The following ZHX3 variants were observed in gnomAD, a reference collection of about 807,000 sequenced individuals.
The protein encoded by ZHX3 is zinc fingers and homeoboxes protein 3.
A neutral mutation model predicts 64.5 loss-of-function variants in ZHX3; 20 were observed. The observed-to-expected ratio is 0.31, with a 90% CI of 0.22 to 0.45. The LOEUF (loss-of-function observed/expected upper bound fraction) is 0.45, where lower values mean the gene tolerates loss of function less well. Among genes scored for constraint, ZHX3 ranks in the 20% least tolerant of loss-of-function variants. ZHX3 has a pLI of 1.00. For synonymous variants in ZHX3, 423 were observed against 461.6 expected (o/e 0.92, Z 1.07); for missense variants, 1,041 against 1,195.8 (o/e 0.87, Z 1.91).
chr20:41,225,265 T>C (rs1250532407), intron 2 of ZHX3, among the ~76,000 whole-genome samples: 2 of 152,220 alleles, frequency 1.3e-5, no homozygotes, highest in Non-Finnish European at 2.9e-5. Context: ...CAAAATGATT[T>C]AGCATGCTGT....
intron 2 of ZHX3, among the ~76,000 whole-genome samples, chr20:41,262,126 T>C (rs1038473165): frequency 1.1e-4 from 16 of 152,198 alleles, no homozygotes; most frequent in Non-Finnish European, 1.5e-4. Context: ...CTCTTCTCCA[T>C]CATCACTGCT....
At chr20:41,205,967 C>G (rs1366747717) in intron 2 of ZHX3, among the ~76,000 whole-genome samples, 1 of 152,206 alleles carries the variant, frequency 6.6e-6, no homozygotes, top group Non-Finnish European at 1.5e-5. Flanking sequence ...GAGGATCAGA[C>G]AGCAACATCT....
At chr20:41,229,030 A>G (rs1319213375) in intron 2 of ZHX3, among the ~76,000 whole-genome samples, 1 of 152,200 alleles carries the variant, frequency 6.6e-6, no homozygotes, top group Non-Finnish European at 1.5e-5. Context: ...TCTTTGCCTT[A>G]TAAAACTGAA....
intron 2 of ZHX3, among the ~76,000 whole-genome samples, chr20:41,225,247 G>A (rs758773701): frequency 5.9e-5 from 9 of 152,100 alleles, no homozygotes; most frequent in Non-Finnish European, 1.2e-4. Flanking sequence ...GAATTGATAG[G>A]AAGTACACAA....
Position 41,313,892 on chromosome 20 carries a change from A to G in ZHX3, c.-245+3617T>C, listed in dbSNP as rs184802766. Among the ~76,000 whole-genome samples the G allele has an allele frequency of 1.6e-3, 243 of 152,280 alleles. 1 individual carries two copies. Among genetic ancestry groups the G allele is most frequent in the South Asian group, 4.4e-3 (21 of 4,826 alleles). ...ATTACAGGCATGAGCCACCACGCCC[A>G]GCCTCCTTTTAGGCCTTTAAGAAAA... On this transcript the variant is annotated intron_variant, in intron 1 of 3. Coordinates refer to ENST00000683867, the MANE Select transcript of ZHX3 (RefSeq NM_001384317.1).
Position 41,219,531 on chromosome 20 carries a change from T to C in ZHX3, c.-150-14465A>G, listed in dbSNP as rs1056729542. 1.3e-5 allele frequency among the ~76,000 whole-genome samples: 2 copies of C among 152,252 alleles called. No homozygotes were observed. The highest frequency in any genetic ancestry group is 4.8e-5 in the African/African-American group (2 of 41,468). The stretch of plus-strand genomic sequence containing the variant: ...CTAGAAAGATGTTTGAAATGGTTCC[T>C]TGTAGTAAGCACCAAAAACAACAAA... On this transcript the variant is annotated intron_variant, in intron 2 of 3. Coordinates refer to ENST00000683867, the MANE Select transcript of ZHX3 (RefSeq NM_001384317.1). The surrounding 1 kb of genome is among the most constrained non-coding windows in gnomAD (Gnocchi z 5.0).
At chr20:41,225,463 T>A (rs904360328) in intron 2 of ZHX3, among the ~76,000 whole-genome samples, 1 of 152,192 alleles carries the variant, frequency 6.6e-6, no homozygotes, top group African/African-American at 2.4e-5. Flanking sequence ...AAAAAACACA[T>A]AACATAAAAT....
At position 41,185,084 on chromosome 20, in the gene ZHX3, C is replaced by T; in HGVS notation, c.*107G>A. ...TCTGGAAGCTCTCCCAGGTGCCCAG[C>T]AGCCGGGCATGGGAACGGCATGTGG... On this transcript the variant is annotated 3_prime_UTR_variant, in exon 4 of 4. Coordinates refer to ENST00000683867, the MANE Select transcript of ZHX3 (RefSeq NM_001384317.1). The surrounding 1 kb of genome is among the most constrained non-coding windows in gnomAD (Gnocchi z 5.0). 6.4e-7 allele frequency: 1 copy of T among 1,559,620 alleles called. No individual in the cohort carries two copies. Among genetic ancestry groups the T allele is most frequent in the Non-Finnish European group, 8.7e-7 (1 of 1,150,320 alleles).
intron 1 of ZHX3, among the ~76,000 whole-genome samples, chr20:41,313,925 C>A (rs2045219121): frequency 1.3e-5 from 2 of 150,598 alleles, no homozygotes; most frequent in African/African-American, 5.0e-5. Flanking sequence ...AAATAATTTT[C>A]ATTTAGGATT....
intron 1 of ZHX3, among the ~76,000 whole-genome samples, chr20:41,305,670 GC>G (rs1424893297): frequency 2.6e-5 from 4 of 151,978 alleles, no homozygotes; most frequent in African/African-American, 9.7e-5. Flanking sequence ...TGTAGTCCCA[GC>G]TACTCAGGAG....
chr20:41,192,520 C>T (rs2037115726), intron 3 of ZHX3, among the ~76,000 whole-genome samples: 1 of 152,252 alleles, frequency 6.6e-6, no homozygotes, highest in African/African-American at 2.4e-5. Flanking sequence ...CCTCACTCAG[C>T]TCCAGTGGCA....
chr20:41,290,111 CCA>C (rs1568949092), intron 1 of ZHX3, among the ~76,000 whole-genome samples: 1 of 152,176 alleles, frequency 6.6e-6, no homozygotes, highest in Non-Finnish European at 1.5e-5. Context: ...CACTAGAACT[CCA>C]CAGTCTTCCT....
intron 2 of ZHX3, among the ~76,000 whole-genome samples, chr20:41,208,814 T>TC (rs1441105949): frequency 3.3e-5 from 5 of 152,236 alleles, no homozygotes; most frequent in South Asian, 2.1e-4. Flanking sequence ...CCACTCCTAT[T>TC]AACATAGTGT....
rs531723402 is a variant in ZHX3, at chr20:41,241,064, A to G, written c.-151+27926T>C. ...GATGGCTGGATTGTATGATAGCTCT[A>G]TTTTTAGTTTTTAGAGGAACCTCCA... On this transcript the variant is annotated intron_variant, in intron 2 of 3. Transcript: ENST00000683867. 3.3e-5 allele frequency among the ~76,000 whole-genome samples: 5 copies of G among 152,242 alleles called. No homozygotes were observed. The South Asian group carries it at 8.3e-4, about 25-fold the overall frequency.
Position 41,202,748 on chromosome 20 carries a change from G to T in ZHX3, c.2169C>A (p.Ser723Arg), listed in dbSNP as rs774610757. The T allele has an allele frequency of 3.7e-6, 6 of 1,614,004 alleles. No individual in the cohort carries two copies. In the East Asian group the frequency reaches 1.1e-4, roughly 30 times the overall value. ...SSHILAERKV[S>R]PIKINLKNLR... The stretch of plus-strand genomic sequence containing the variant: ...GGTTCTTCAGGTTGATTTTAATGGG[G>T]CTGACTTTGCGCTCTGCCAAGATAT... The change falls in exon 3 of 4, where the codon AGC becomes AGA. Residue 723 changes from serine (S) to arginine (R), a missense_variant. Physicochemically the swap from Ser to Arg is moderately radical, Grantham distance 110 (BLOSUM62 -1). Coordinates refer to ENST00000683867, the MANE Select transcript of ZHX3 (RefSeq NM_001384317.1). This position sits in a 1 kb window ranked among gnomAD's most constrained non-coding sequence, Gnocchi z 7.0.
At chr20:41,240,126 A>G (rs1416008076) in intron 2 of ZHX3, among the ~76,000 whole-genome samples, 1 of 152,118 alleles carries the variant, frequency 6.6e-6, no homozygotes, top group Non-Finnish European at 1.5e-5. Flanking sequence ...CCTTCCAAGT[A>G]GCTGGGACTG....
chr20:41,199,243 A>T (rs529368208), intron 3 of ZHX3, among the ~76,000 whole-genome samples: 1 of 152,132 alleles, frequency 6.6e-6, no homozygotes, highest in African/African-American at 2.4e-5. Context: ...TTCCTCAAGG[A>T]TGGTGCCTGT....
At chr20:41,225,325 A>G (rs927523313) in intron 2 of ZHX3, among the ~76,000 whole-genome samples, 2 of 152,222 alleles carry the variant, frequency 1.3e-5, no homozygotes, top group Non-Finnish European at 2.9e-5. Context: ...AGCTACTGCT[A>G]CTGTTCTAAT....
At chr20:41,240,893 G>GT (rs1191634752) in intron 2 of ZHX3, among the ~76,000 whole-genome samples, 1 of 152,146 alleles carries the variant, frequency 6.6e-6, no homozygotes, top group African/African-American at 2.4e-5. Flanking sequence ...ATGTACTACA[G>GT]TTTTCTTTAT....
Sources: gnomAD v4.1 joint callset for allele counts (sites outside exome capture counted in the v4.1 genomes callset) on GRCh38, gnomAD v4.1.1 for gene constraint, Gnocchi (gnomAD v3.1) non-coding constraint, MANE v1.5 for transcripts, NCBI Gene and HGNC (gene_info 2026-07-23, HGNC 2026-07-21) for gene names.